AUTS2: variants seen among roughly 807,000 people sequenced by gnomAD.
The protein encoded by AUTS2 is activator of transcription and developmental regulator AUTS2, also known as autism susceptibility gene 2 protein.
A neutral mutation model predicts 112.4 loss-of-function variants in AUTS2; 17 were observed. The observed-to-expected ratio is 0.15, with a 90% CI of 0.10 to 0.23. AUTS2 has a LOEUF of 0.23. AUTS2 is among the 10% of genes least tolerant of loss of function. The pLI is 1.00. For synonymous variants in AUTS2, 751 were observed against 702.7 expected (o/e 1.07, Z -1.09); for missense variants, 1,510 against 1,701.6 (o/e 0.89, Z 1.98).
intron 2 of AUTS2, among the ~76,000 whole-genome samples, chr7:70,092,956 A>T (rs1379679309): frequency 6.6e-6 from 1 of 152,158 alleles, no homozygotes; most frequent in Non-Finnish European, 1.5e-5. Context: ...CGAAAATTGT[A>T]GGATGGTGTC....
At chr7:69,701,941 G>T (rs1279158839) in intron 1 of AUTS2, among the ~76,000 whole-genome samples, 4 of 152,200 alleles carry the variant, frequency 2.6e-5, no homozygotes, top group Non-Finnish European at 5.9e-5. Context: ...AAAGAGAAGA[G>T]TATGTCGGCA....
rs546852064 is a variant in AUTS2 at position 70,409,234 on chromosome 7, C to A, written c.661-26518C>A. On this transcript the variant is annotated intron_variant, in intron 4 of 18. Coordinates refer to ENST00000342771, the MANE Select transcript of AUTS2 (RefSeq NM_015570.4). ...GTACCCCCTTGTTATAAATCTCCAGCAAGACTGATCACTTGGTATACGTAA... is the reference window on the plus strand; with the variant it reads ...GTACCCCCTTGTTATAAATCTCCAGAAAGACTGATCACTTGGTATACGTAA... Among the ~76,000 whole-genome samples, 22 of 152,270 alleles carry A rather than the reference C, an allele frequency of 1.4e-4. No individual in the cohort carries two copies. The South Asian group carries it at 4.6e-3, about 32-fold the overall frequency.
At chr7:69,797,277 G>T (rs1311646160) in intron 1 of AUTS2, among the ~76,000 whole-genome samples, 2 of 152,072 alleles carry the variant, frequency 1.3e-5, no homozygotes, top group Non-Finnish European at 2.9e-5. Flanking sequence ...GTATTACCTG[G>T]GGGGACATGT....
chr7:70,021,494 G>T (rs1344856215), intron 2 of AUTS2, among the ~76,000 whole-genome samples: 3 of 152,072 alleles, frequency 2.0e-5, no homozygotes, highest in African/African-American at 7.2e-5. Context: ...TTCCAGATGG[G>T]GCATCCTGAA....
chr7:70,454,765 T>C (rs1796667822), intron 5 of AUTS2, among the ~76,000 whole-genome samples: 1 of 152,132 alleles, frequency 6.6e-6, no homozygotes, highest in Admixed American at 6.5e-5. Context: ...TAAGGTTTGG[T>C]CTTGGATTCT....
intron 4 of AUTS2, among the ~76,000 whole-genome samples, chr7:70,146,642 T>C (rs182692870): frequency 6.6e-6 from 1 of 152,142 alleles, no homozygotes; most frequent in Non-Finnish European, 1.5e-5. Context: ...GCCTGAATAA[T>C]AAAGGATTGC....
chr7:70,716,750 A>G (rs1031098343), intron 6 of AUTS2, among the ~76,000 whole-genome samples: 1 of 151,168 alleles, frequency 6.6e-6, no homozygotes. Flanking sequence ...TGGTGATGCA[A>G]TTCCAGCCTG....
intron 4 of AUTS2, among the ~76,000 whole-genome samples, chr7:70,219,195 A>G (rs370723561): frequency 2.6e-5 from 4 of 152,348 alleles, no homozygotes; most frequent in South Asian, 2.1e-4. Context: ...ATAAAATCCA[A>G]TGGAAAACAT....
chr7:70,736,066 T>C (rs946605942), intron 6 of AUTS2, among the ~76,000 whole-genome samples: 1 of 151,964 alleles, frequency 6.6e-6, no homozygotes, highest in East Asian at 1.9e-4. Flanking sequence ...CTATAACAAT[T>C]AGAATATCAT....
intron 2 of AUTS2, among the ~76,000 whole-genome samples, chr7:69,935,244 T>C (rs1378191617): frequency 6.6e-6 from 1 of 152,114 alleles, no homozygotes; most frequent in African/African-American, 2.4e-5. Context: ...GCTATGAAGG[T>C]TAAGTATTGC....
At chr7:70,739,661 G>T (rs1253926049) in intron 6 of AUTS2, among the ~76,000 whole-genome samples, 1 of 151,980 alleles carries the variant, frequency 6.6e-6, no homozygotes, top group Admixed American at 6.5e-5. Context: ...CATCTTAAAG[G>T]TGTGATCTGT....
At chr7:70,331,857 A>G (rs944914992) in intron 4 of AUTS2, among the ~76,000 whole-genome samples, 2 of 152,198 alleles carry the variant, frequency 1.3e-5, no homozygotes, top group African/African-American at 2.4e-5. Flanking sequence ...ACCCACAGAC[A>G]TACTGAATGG....
intron 5 of AUTS2, among the ~76,000 whole-genome samples, chr7:70,585,190 G>C (rs1257275344): frequency 6.6e-6 from 1 of 152,142 alleles, no homozygotes; most frequent in Non-Finnish European, 1.5e-5. Flanking sequence ...GGAGAGCCCT[G>C]ACCAGTCAAC....
chr7:70,431,187 C>G (rs780384329), intron 4 of AUTS2, among the ~76,000 whole-genome samples: 17 of 151,990 alleles, frequency 1.1e-4, no homozygotes, highest in Non-Finnish European at 1.9e-4. Flanking sequence ...ACTGATTAAA[C>G]TGAAATATTT....
rs560739801 is a variant in AUTS2 at position 70,410,559 on chromosome 7, A to G, written c.661-25193A>G. On this transcript the variant is annotated intron_variant, in intron 4 of 18. Transcript: ENST00000342771. ...CCACATCTGCCTCCAGAGTAGCTGA[A>G]ACTATAGGCATGCACCACCACACCC... Among the ~76,000 whole-genome samples the G allele has an allele frequency of 3.3e-5, 5 of 151,492 alleles. No individual in the cohort carries two copies. In the South Asian group the frequency reaches 1.0e-3, roughly 32 times the overall value.
At position 70,347,333 on chromosome 7, in the gene AUTS2, T is replaced by C. The variant is rs150732504; in HGVS notation, c.661-88419T>C. Among the ~76,000 whole-genome samples the C allele has an allele frequency of 4.8e-3, 733 of 152,324 alleles. 2 individuals carry two copies. The highest frequency in any genetic ancestry group is 6.5e-3 in the Admixed American group (100 of 15,304). ...TCTCTATCACAGTCCATACATTGTT[T>C]CCTGTGTGTGTCTGTTTCTTCCATT... On this transcript the variant is annotated intron_variant, in intron 4 of 18. Coordinates refer to ENST00000342771, the MANE Select transcript of AUTS2 (RefSeq NM_015570.4).
chr7:70,690,237 A>G (rs1808687984), intron 5 of AUTS2, among the ~76,000 whole-genome samples: 1 of 152,236 alleles, frequency 6.6e-6, no homozygotes, highest in Non-Finnish European at 1.5e-5. Context: ...CTGAAGAACA[A>G]GTAGAAACTT....
At chr7:69,981,411 TAA>T (rs1798289260) in intron 2 of AUTS2, among the ~76,000 whole-genome samples, 1 of 152,254 alleles carries the variant, frequency 6.6e-6, no homozygotes, top group Non-Finnish European at 1.5e-5. Context: ...TTTTATTTTA[TAA>T]GTGAATATGT....
chr7:69,960,368 T>C (rs1020604848), intron 2 of AUTS2, among the ~76,000 whole-genome samples: 15 of 152,144 alleles, frequency 9.9e-5, no homozygotes, highest in Non-Finnish European at 4.4e-5. Context: ...ACCAAACCAC[T>C]GTAGAGTAAA....
Sources: gnomAD v4.1 joint callset for allele counts (sites outside exome capture counted in the v4.1 genomes callset) on GRCh38, gnomAD v4.1.1 for gene constraint, MANE v1.5 for transcripts, NCBI Gene and HGNC (gene_info 2026-07-23, HGNC 2026-07-21) for gene names.